GRIK1: variants seen among roughly 807,000 people sequenced by gnomAD.
The protein encoded by GRIK1 is glutamate receptor ionotropic, kainate 1.
GRIK1 carries 69 observed loss-of-function variants against 105.7 expected under a neutral mutation model. That is an observed-to-expected ratio of 0.65 (90% CI 0.54 to 0.80). GRIK1 has a LOEUF of 0.80. Among genes scored for constraint, GRIK1 ranks in the 30% least tolerant of loss-of-function variants. The pLI is 0.00. For missense variants in GRIK1, 1,109 were observed against 1,167.3 expected (o/e 0.95, Z 0.73); for synonymous variants, 438 against 431.3 (o/e 1.02, Z -0.19).
intron 1 of GRIK1, among the ~76,000 whole-genome samples, chr21:29,770,405 G>A (rs1569072974): frequency 6.6e-6 from 1 of 152,174 alleles, no homozygotes; most frequent in East Asian, 1.9e-4. Flanking sequence ...GAGGGTGCAG[G>A]GGTGCCGATG....
At chr21:29,861,876 G>C (rs1298358066) in intron 1 of GRIK1, among the ~76,000 whole-genome samples, 2 of 151,926 alleles carry the variant, frequency 1.3e-5, no homozygotes, top group African/African-American at 4.8e-5. Flanking sequence ...ATATTTTGTT[G>C]GGGATTTTTG....
chr21:29,737,772 G>A (rs528923584), intron 1 of GRIK1, among the ~76,000 whole-genome samples: 12 of 152,290 alleles, frequency 7.9e-5, no homozygotes, highest in Non-Finnish European at 1.5e-4. Flanking sequence ...CTCCACTCTG[G>A]AAACATGAAA....
At chr21:29,804,145 C>G (rs1336080959) in intron 1 of GRIK1, among the ~76,000 whole-genome samples, 1 of 152,124 alleles carries the variant, frequency 6.6e-6, no homozygotes, top group Non-Finnish European at 1.5e-5. Flanking sequence ...AGATCTACCT[C>G]TTTATCTTGA....
intron 1 of GRIK1, among the ~76,000 whole-genome samples, chr21:29,827,974 G>GGTCTCT (rs1569136953): frequency 1.8e-5 from 2 of 111,306 alleles, no homozygotes; most frequent in African/African-American, 6.2e-5. Flanking sequence ...ATATAGTTAG[G>GGTCTCT]ATCTCTCTCT....
chr21:29,790,696 A>C (rs754516107), intron 1 of GRIK1, among the ~76,000 whole-genome samples: 2 of 150,628 alleles, frequency 1.3e-5, no homozygotes, highest in South Asian at 4.2e-4. Flanking sequence ...CAAGTGATCC[A>C]CCCACCTTGG....
At chr21:29,826,160 A>G (rs917520196) in intron 1 of GRIK1, among the ~76,000 whole-genome samples, 1 of 152,084 alleles carries the variant, frequency 6.6e-6, no homozygotes, top group African/African-American at 2.4e-5. Flanking sequence ...GGTCATTACT[A>G]TGGGGAAGGT....
intron 1 of GRIK1, among the ~76,000 whole-genome samples, chr21:29,905,710 T>C (rs2070604004): frequency 7.8e-6 from 1 of 127,566 alleles, no homozygotes; most frequent in Non-Finnish European, 1.6e-5. Context: ...CACTGCAAGC[T>C]CCGCCTCCCA....
At chr21:29,828,969 T>C (rs406191) in intron 1 of GRIK1, among the ~76,000 whole-genome samples, 100,584 of 151,928 alleles carry the variant, frequency 0.66, 33,346 homozygotes, top group East Asian at 0.78. Flanking sequence ...AACTCAGCTC[T>C]TCTAACTGTA....
At chr21:29,663,054 A>G (rs1026464443) in intron 4 of GRIK1, among the ~76,000 whole-genome samples, 4 of 152,366 alleles carry the variant, frequency 2.6e-5, no homozygotes, top group East Asian at 1.9e-4. Flanking sequence ...CACTACAGTA[A>G]TAGGTTATTG....
chr21:29,595,410 G>T, intron 9 of GRIK1, among the ~76,000 whole-genome samples: 1 of 150,526 alleles, frequency 6.6e-6, no homozygotes, highest in African/African-American at 2.5e-5. Context: ...ATTTTAGTGA[G>T]GAAACCAGAT....
chr21:29,936,136 G>A (rs1327383290), intron 1 of GRIK1, among the ~76,000 whole-genome samples: 1 of 152,090 alleles, frequency 6.6e-6, no homozygotes, highest in African/African-American at 2.4e-5. Context: ...CACGGACGTG[G>A]GAATCAAACC....
At position 29,831,691 on chromosome 21, in the gene GRIK1, C is replaced by T. The variant is rs115870817; in HGVS notation, c.118+107692G>A. On this transcript the variant is annotated intron_variant, in intron 1 of 17. Coordinates refer to ENST00000327783, the MANE Select transcript of GRIK1 (RefSeq NM_001330994.2). ...GAAATCAGCCCCCATGATCAAAACA[C>T]CACCCACCAGACCCCTCCTCCAACA... 2.4e-3 allele frequency among the ~76,000 whole-genome samples: 363 copies of T among 152,144 alleles called. 2 individuals are homozygous for T. The highest frequency in any genetic ancestry group is 7.8e-3 in the African/African-American group (322 of 41,518).
At chr21:29,839,773 A>C (rs1389292208) in intron 1 of GRIK1, among the ~76,000 whole-genome samples, 2 of 152,136 alleles carry the variant, frequency 1.3e-5, no homozygotes, top group African/African-American at 4.8e-5. Context: ...GAAAGGCAAC[A>C]AAGATAGAAC....
intron 1 of GRIK1, among the ~76,000 whole-genome samples, chr21:29,876,340 C>T (rs2069190848): frequency 6.6e-6 from 1 of 151,968 alleles, no homozygotes; most frequent in Non-Finnish European, 1.5e-5. Context: ...ATCTCTCTTT[C>T]CCTTCTCTTT....
intron 13 of GRIK1, among the ~76,000 whole-genome samples, chr21:29,580,035 GTGTATATA>G (rs879936067): frequency 2.5e-4 from 35 of 139,224 alleles, no homozygotes; most frequent in South Asian, 1.5e-3. Flanking sequence ...ATGTATATAT[GTGTATATA>G]TGTATATATG....
chr21:29,560,281 T>TG (rs1386781049), intron 15 of GRIK1, among the ~76,000 whole-genome samples: 948 of 40,232 alleles, frequency 0.024, 30 homozygotes, highest in African/African-American at 0.086. Flanking sequence ...TGATACAGTT[T>TG]TCTTTCTTTC....
intron 16 of GRIK1, among the ~76,000 whole-genome samples, chr21:29,548,539 G>T (rs983322399): frequency 7.2e-6 from 1 of 139,452 alleles, no homozygotes; most frequent in African/African-American, 2.5e-5. Flanking sequence ...ATTTGGCACT[G>T]TTAGATGTTC....
chr21:29,558,516 A>T (rs975181354), intron 15 of GRIK1, among the ~76,000 whole-genome samples: 1 of 151,728 alleles, frequency 6.6e-6, no homozygotes, highest in African/African-American at 2.4e-5. Flanking sequence ...GAGGTCTGCC[A>T]TCTGTTCCAA....
Position 29,728,072 on chromosome 21 carries a change from C to T in GRIK1, c.119-34009G>A, listed in dbSNP as rs190218985. ...GAGAGCAGTCTTCTTTACTCATCTA[C>T]TGATTCAAATGCTCATCTTCTCCAG... is the stretch of plus-strand genomic sequence containing the variant. On this transcript the variant is annotated intron_variant, in intron 1 of 17. Transcript: ENST00000327783. Among the ~76,000 whole-genome samples the T allele has an allele frequency of 2.0e-5, 3 of 152,260 alleles. 1 individual carries two copies. The highest frequency in any genetic ancestry group is 7.2e-5 in the African/African-American group (3 of 41,564).
Sources: gnomAD v4.1 joint callset for allele counts (sites outside exome capture counted in the v4.1 genomes callset) on GRCh38, gnomAD v4.1.1 for gene constraint, MANE v1.5 for transcripts, NCBI Gene and HGNC (gene_info 2026-07-23, HGNC 2026-07-21) for gene names.